Variants in MB21D2 observed in about 807,000 individuals in gnomAD.
MB21D2 encodes the protein nucleotidyltransferase MB21D2.
In MB21D2, 9 loss-of-function variants were observed where a neutral mutation model predicts 33.3. The ratio of observed to expected loss-of-function variants is 0.27; its 90% CI spans 0.16 to 0.47. MB21D2 has a LOEUF of 0.47. Ranked by LOEUF, MB21D2 falls within the 20% of genes least tolerant of loss-of-function variation. The pLI is 0.99. For missense variants in MB21D2, 540 were observed against 624.6 expected (o/e 0.86, Z 1.44); for synonymous variants, 241 against 236.3 (o/e 1.02, Z -0.18).
At chr3:192,879,091 T>C (rs1397808958) in intron 1 of MB21D2, among the ~76,000 whole-genome samples, 2 of 152,212 alleles carry the variant, frequency 1.3e-5, no homozygotes, top group African/African-American at 4.8e-5. Context: ...TCTGCAGGCC[T>C]TCCCTATCTC....
chr3:192,848,412 A>C (rs1248995855), intron 1 of MB21D2, among the ~76,000 whole-genome samples: 1 of 152,220 alleles, frequency 6.6e-6, no homozygotes, highest in Non-Finnish European at 1.5e-5. Context: ...GGCCCAGGTA[A>C]GGCTCCAAAT....
chr3:192,901,399 C>A (rs1714097346), intron 1 of MB21D2, among the ~76,000 whole-genome samples: 1 of 113,740 alleles, frequency 8.8e-6, no homozygotes, highest in Non-Finnish European at 1.7e-5. Flanking sequence ...GAAACCCCGT[C>A]TCTACTAAAA....
intron 1 of MB21D2, among the ~76,000 whole-genome samples, chr3:192,883,726 A>C (rs1055008800): frequency 3.9e-5 from 6 of 151,998 alleles, no homozygotes; most frequent in Non-Finnish European, 8.8e-5. Flanking sequence ...CCTCTGTAAT[A>C]CTAGGAGAGT....
At chr3:192,830,715 C>T (rs950358146) in intron 1 of MB21D2, among the ~76,000 whole-genome samples, 4 of 152,222 alleles carry the variant, frequency 2.6e-5, no homozygotes, top group African/African-American at 9.6e-5. Flanking sequence ...CATTTTGCCA[C>T]TCAACGTGTT....
rs754168577 is a variant in MB21D2, at chr3:192,880,208, G to A, written c.211+37422C>T. Among the ~76,000 whole-genome samples, 35 of 151,078 alleles carry A rather than the reference G, an allele frequency of 2.3e-4. 1 individual carries two copies. The highest frequency in any genetic ancestry group is 1.6e-3 in the Admixed American group (25 of 15,218). ...AAATACAAAAAAAAATTAGCCAGGC[G>A]TGGTGGTGGGCACCTGTAATCCCAG... On this transcript the variant is annotated intron_variant, in intron 1 of 1. Coordinates refer to ENST00000392452, the MANE Select transcript of MB21D2 (RefSeq NM_178496.4).
intron 1 of MB21D2, among the ~76,000 whole-genome samples, chr3:192,835,803 C>A (rs1020509418): frequency 6.6e-6 from 1 of 151,506 alleles, no homozygotes; most frequent in South Asian, 2.1e-4. Flanking sequence ...GGTGAAAAAC[C>A]TGACCTCCTT....
intron 1 of MB21D2, among the ~76,000 whole-genome samples, chr3:192,850,681 T>C (rs1355551584): frequency 6.6e-6 from 1 of 152,150 alleles, no homozygotes; most frequent in South Asian, 2.1e-4. Flanking sequence ...GTCAGTGGAC[T>C]GGGAGCCCCG....
At chr3:192,804,327 T>C (rs1272626627) in intron 1 of MB21D2, among the ~76,000 whole-genome samples, 2 of 146,894 alleles carry the variant, frequency 1.4e-5, no homozygotes, top group Non-Finnish European at 3.0e-5. Context: ...TTGTTGTCTT[T>C]ACAACCCCAC....
intron 1 of MB21D2, among the ~76,000 whole-genome samples, chr3:192,911,531 A>C (rs1172598673): frequency 6.6e-6 from 1 of 152,216 alleles, no homozygotes; most frequent in African/African-American, 2.4e-5. Context: ...TGACATGCTG[A>C]GCAGCTTGTT....
At chr3:192,872,680 A>C (rs1713336958) in intron 1 of MB21D2, among the ~76,000 whole-genome samples, 1 of 152,188 alleles carries the variant, frequency 6.6e-6, no homozygotes, top group African/African-American at 2.4e-5. Flanking sequence ...GGATGGCTAA[A>C]ATTATGAAAC....
intron 1 of MB21D2, among the ~76,000 whole-genome samples, chr3:192,820,809 G>T (rs1332074502): frequency 2.0e-5 from 3 of 152,148 alleles, no homozygotes; most frequent in East Asian, 3.8e-4. Flanking sequence ...CTGTCACCCA[G>T]GCTGAAATGC....
At chr3:192,873,912 C>T (rs1443841361) in intron 1 of MB21D2, among the ~76,000 whole-genome samples, 3 of 152,126 alleles carry the variant, frequency 2.0e-5, no homozygotes, top group Non-Finnish European at 4.4e-5. Context: ...ATTCACCAGG[C>T]GAGTCTCGAA....
At chr3:192,829,771 A>G (rs1378371039) in intron 1 of MB21D2, among the ~76,000 whole-genome samples, 2 of 152,098 alleles carry the variant, frequency 1.3e-5, no homozygotes, top group Non-Finnish European at 2.9e-5. Context: ...CTGTTTCCCA[A>G]GCTGGAGTGC....
At chr3:192,878,947 G>A (rs1713501450) in intron 1 of MB21D2, among the ~76,000 whole-genome samples, 1 of 152,174 alleles carries the variant, frequency 6.6e-6, no homozygotes, top group Non-Finnish European at 1.5e-5. Context: ...CTGGGCTATG[G>A]AGGGACACTC....
At position 192,917,817 on chromosome 3, in the gene MB21D2, G is replaced by A; in HGVS notation, c.24C>T (p.Ala8=). ...TACAGCCCAGGGAGGCTGCCTTGTT[G>A]GCGGTGGGAGCCGCCATCTTCATGC... is the stretch of plus-strand genomic sequence containing the variant. MKMAAPT[A]NKAASLGCNN... is the part of the protein sequence containing the mutation. Residue 8 remains alanine, a synonymous_variant, in exon 1 of 2, where the codon GCC becomes GCT. Transcript: ENST00000392452. 1 of 1,610,822 alleles carries A rather than the reference G, an allele frequency of 6.2e-7. No individual in the cohort carries two copies. Among genetic ancestry groups the A allele is most frequent in the Non-Finnish European group, 8.5e-7 (1 of 1,178,742 alleles).
chr3:192,866,849 A>G (rs1396146993), intron 1 of MB21D2, among the ~76,000 whole-genome samples: 1 of 152,170 alleles, frequency 6.6e-6, no homozygotes, highest in African/African-American at 2.4e-5. Flanking sequence ...AATACCCTCC[A>G]TTACCATGTG....
chr3:192,828,547 T>C (rs1405676062), intron 1 of MB21D2, among the ~76,000 whole-genome samples: 3 of 135,122 alleles, frequency 2.2e-5, no homozygotes, highest in Non-Finnish European at 3.2e-5. Flanking sequence ...TTTTAAGTCA[T>C]ACTTATTAAG....
chr3:192,905,080 C>T (rs945742782), intron 1 of MB21D2, among the ~76,000 whole-genome samples: 3 of 152,180 alleles, frequency 2.0e-5, no homozygotes, highest in Non-Finnish European at 2.9e-5. Context: ...ACACAATCCG[C>T]GCAAGCAGCT....
intron 1 of MB21D2, among the ~76,000 whole-genome samples, chr3:192,892,789 ATAT>A (rs573657656): frequency 5.4e-4 from 82 of 152,260 alleles, no homozygotes; most frequent in Non-Finnish European, 1.0e-3. Context: ...ACCCAGGCTA[ATAT>A]TATAGCAACT....
Sources: gnomAD v4.1 joint callset for allele counts (sites outside exome capture counted in the v4.1 genomes callset) on GRCh38, gnomAD v4.1.1 for gene constraint, MANE v1.5 for transcripts, NCBI Gene and HGNC (gene_info 2026-07-23, HGNC 2026-07-21) for gene names.